The following KCNQ3 variants were observed in gnomAD, a reference collection of about 807,000 sequenced individuals.
The protein encoded by KCNQ3 is potassium voltage-gated channel subfamily KQT member 3.
KCNQ3 carries 30 observed loss-of-function variants against 92.5 expected under a neutral mutation model. That is an observed-to-expected ratio of 0.32 (90% confidence interval 0.24 to 0.44). The LOEUF is 0.44. KCNQ3 is among the 20% of genes least tolerant of loss of function. The probability of loss-of-function intolerance (pLI) is 1.00; values close to 1 mark genes in which losing one functional copy is unlikely to be tolerated. For synonymous variants in KCNQ3, 450 were observed against 468.8 expected (o/e 0.96, Z 0.52); for missense variants, 913 against 1,140.3 (o/e 0.80, Z 2.87).
intron 1 of KCNQ3, among the ~76,000 whole-genome samples, chr8:132,437,718 G>A (rs1011545430): frequency 3.3e-5 from 5 of 152,092 alleles, no homozygotes; most frequent in Non-Finnish European, 7.4e-5. Flanking sequence ...TAGGTTGCTT[G>A]GGAGAGATAC....
chr8:132,439,661 T>C (rs992175897), intron 1 of KCNQ3, among the ~76,000 whole-genome samples: 10 of 151,912 alleles, frequency 6.6e-5, no homozygotes, highest in African/African-American at 1.9e-4. Context: ...GAGAGAGAGA[T>C]TGTGCTGCTG....
intron 1 of KCNQ3, among the ~76,000 whole-genome samples, chr8:132,309,406 T>C (rs1238226861): frequency 6.6e-6 from 1 of 152,246 alleles, no homozygotes; most frequent in Non-Finnish European, 1.5e-5. Context: ...TGCCTTATTA[T>C]GCTGATTTAT....
chr8:132,178,778 A>G (rs934993264), intron 4 of KCNQ3, among the ~76,000 whole-genome samples: 2 of 151,898 alleles, frequency 1.3e-5, no homozygotes, highest in African/African-American at 4.8e-5. Flanking sequence ...TACAGGTGGC[A>G]TGGTCACGTT....
intron 1 of KCNQ3, among the ~76,000 whole-genome samples, chr8:132,192,174 C>G (rs1827180419): frequency 1.3e-5 from 2 of 152,194 alleles, no homozygotes; most frequent in African/African-American, 4.8e-5. Context: ...CCGCAGGGAG[C>G]CTGCGGAGCC....
At chr8:132,371,595 T>C (rs1402720310) in intron 1 of KCNQ3, among the ~76,000 whole-genome samples, 2 of 152,156 alleles carry the variant, frequency 1.3e-5, no homozygotes, top group Admixed American at 6.5e-5. Context: ...AAGAAATCCC[T>C]CTCTGAGATC....
chr8:132,297,266 A>G (rs1586905483), intron 1 of KCNQ3, among the ~76,000 whole-genome samples: 1 of 151,670 alleles, frequency 6.6e-6, no homozygotes, highest in Non-Finnish European at 1.5e-5. Context: ...AATTTGTTTG[A>G]GTTCATTGTA....
At chr8:132,453,092 G>A (rs1177248749) in intron 1 of KCNQ3, among the ~76,000 whole-genome samples, 2 of 152,148 alleles carry the variant, frequency 1.3e-5, no homozygotes, top group Admixed American at 1.3e-4. Context: ...GCGGTCTCTC[G>A]GGTAAAGCAA....
chr8:132,431,056 C>G (rs1821237437), intron 1 of KCNQ3, among the ~76,000 whole-genome samples: 1 of 152,286 alleles, frequency 6.6e-6, no homozygotes, highest in Non-Finnish European at 1.5e-5. Context: ...AAGAGCAGCT[C>G]CTCATCTTCC....
At chr8:132,364,451 A>G (rs1464701703) in intron 1 of KCNQ3, among the ~76,000 whole-genome samples, 1 of 152,182 alleles carries the variant, frequency 6.6e-6, no homozygotes, top group African/African-American at 2.4e-5. Context: ...GTTCCCCATC[A>G]TGCCACGGGA....
chr8:132,170,848 CAAAAA>C (rs796652777), intron 7 of KCNQ3, among the ~76,000 whole-genome samples: 1 of 63,480 alleles, frequency 1.6e-5, no homozygotes. Flanking sequence ...TTCATCTCTA[CAAAAA>C]AAAAAAAAAA....
intron 1 of KCNQ3, among the ~76,000 whole-genome samples, chr8:132,224,318 T>C (rs1018487421): frequency 3.3e-5 from 5 of 152,104 alleles, no homozygotes; most frequent in African/African-American, 1.2e-4. Flanking sequence ...AGTTAGCCTG[T>C]AATTAAAAAT....
chr8:132,474,465 C>A (rs1822364162), intron 1 of KCNQ3, among the ~76,000 whole-genome samples: 1 of 152,172 alleles, frequency 6.6e-6, no homozygotes, highest in South Asian at 2.1e-4. Context: ...TGATCACCCT[C>A]ACTCAAGTTA....
chr8:132,298,117 G>A (rs960202654), intron 1 of KCNQ3, among the ~76,000 whole-genome samples: 2 of 152,186 alleles, frequency 1.3e-5, no homozygotes, highest in African/African-American at 4.8e-5. Context: ...TATGTTTCCT[G>A]TCTACAGGGG....
chr8:132,434,726 A>G (rs1293398635), intron 1 of KCNQ3, among the ~76,000 whole-genome samples: 1 of 152,260 alleles, frequency 6.6e-6, no homozygotes, highest in Non-Finnish European at 1.5e-5. Context: ...GCTAGAGAGC[A>G]ATAGTTAGAC....
At chr8:132,167,593 T>C (rs75524030) in intron 8 of KCNQ3, among the ~76,000 whole-genome samples, 4,257 of 152,280 alleles carry the variant, frequency 0.028, 225 homozygotes, top group African/African-American at 0.098. Flanking sequence ...TTCAGGGACA[T>C]TCTTTTCCCA....
chr8:132,475,304 G>C (rs912362709), intron 1 of KCNQ3, among the ~76,000 whole-genome samples: 1 of 152,324 alleles, frequency 6.6e-6, no homozygotes, highest in South Asian at 2.1e-4. Flanking sequence ...TTTGGAACTG[G>C]GTAATGGGCA....
chr8:132,445,382 G>A (rs565326114), intron 1 of KCNQ3, among the ~76,000 whole-genome samples: 37 of 152,114 alleles, frequency 2.4e-4, no homozygotes, highest in African/African-American at 7.5e-4. Flanking sequence ...TGGCTTTCCC[G>A]CCTCTCTCCT....
At chr8:132,336,860 T>C (rs780381346) in intron 1 of KCNQ3, among the ~76,000 whole-genome samples, 1 of 152,162 alleles carries the variant, frequency 6.6e-6, no homozygotes, top group Non-Finnish European at 1.5e-5. Context: ...GGCCCTCTTA[T>C]AGGATTGTTC....
chr8:132,368,750 C>G (rs1215822092), intron 1 of KCNQ3, among the ~76,000 whole-genome samples: 1 of 152,144 alleles, frequency 6.6e-6, no homozygotes, highest in African/African-American at 2.4e-5. Flanking sequence ...TTAGTTTACA[C>G]TAGTTTTAGA....
Sources: gnomAD v4.1 joint callset for allele counts (sites outside exome capture counted in the v4.1 genomes callset) on GRCh38, gnomAD v4.1.1 for gene constraint, MANE v1.5 for transcripts, NCBI Gene and HGNC (gene_info 2026-07-23, HGNC 2026-07-21) for gene names.